The following GGTA1 variants were observed in gnomAD, a reference collection of about 807,000 sequenced individuals.
The protein encoded by GGTA1 is inactive N-acetyllactosaminide alpha-1,3-galactosyltransferase.
A neutral mutation model predicts 2.6 loss-of-function variants in GGTA1; 5 were observed. That is an observed-to-expected ratio of 1.92 (90% CI 1.00 to 4.04). GGTA1 has a LOEUF of 4.04. GGTA1 is among the 30% of genes most tolerant of loss of function. The probability of loss-of-function intolerance (pLI) is 0.00; values close to 1 mark genes in which losing one functional copy is unlikely to be tolerated. For synonymous variants in GGTA1, 17 were observed against 5.0 expected, an observed-to-expected ratio of 3.38 and a Z score of -3.19; for missense variants, 50 against 16.7, an observed-to-expected ratio of 2.99 and a Z score of -3.47.
exon 8 of GGTA1, chr9:121,447,218 T>C (rs2064856120): frequency 1.3e-5 from 2 of 152,626 alleles, no homozygotes; most frequent in Admixed American, 1.3e-4. Context: ...TCCTGCTGAC[T>C]CTTTCCACCT....
At chr9:121,497,475 A>G (rs1373897069) in intron 1 of GGTA1, among the ~76,000 whole-genome samples, 2 of 152,028 alleles carry the variant, frequency 1.3e-5, no homozygotes, top group African/African-American at 2.4e-5. Flanking sequence ...CCTAGCTGCC[A>G]TTTAGTTGCT....
intron 1 of GGTA1, among the ~76,000 whole-genome samples, chr9:121,491,379 C>T (rs1031571579): frequency 2.0e-5 from 3 of 152,196 alleles, no homozygotes; most frequent in South Asian, 4.1e-4. Context: ...TGTGCCCCTC[C>T]AGCCACCAGG....
intron 1 of GGTA1, among the ~76,000 whole-genome samples, chr9:121,485,882 T>C (rs541546894): frequency 6.6e-6 from 1 of 152,310 alleles, no homozygotes; most frequent in African/African-American, 2.4e-5. Flanking sequence ...GAGGAACAGC[T>C]TGGGTTTCTG....
chr9:121,458,758 G>T (rs2064935464), intron 5 of GGTA1, among the ~76,000 whole-genome samples: 2 of 152,092 alleles, frequency 1.3e-5, no homozygotes, highest in African/African-American at 2.4e-5. Flanking sequence ...GTGAAAGCTG[G>T]TGACTATGGT....
At chr9:121,490,265 A>C (rs1309159657) in intron 1 of GGTA1, among the ~76,000 whole-genome samples, 2 of 152,184 alleles carry the variant, frequency 1.3e-5, no homozygotes, top group African/African-American at 2.4e-5. Context: ...AAACCAACCT[A>C]TTTTACACAG....
intron 1 of GGTA1, among the ~76,000 whole-genome samples, chr9:121,482,597 T>G (rs1828675422): frequency 6.6e-6 from 1 of 152,044 alleles, no homozygotes; most frequent in South Asian, 2.1e-4. Flanking sequence ...GGTGAAACTT[T>G]GTCTCTACTA....
intron 1 of GGTA1, among the ~76,000 whole-genome samples, chr9:121,484,051 T>C (rs1423179560): frequency 6.6e-6 from 1 of 152,112 alleles, no homozygotes; most frequent in African/African-American, 2.4e-5. Context: ...CAGAACGTGG[T>C]GGTTATGAGC....
At chr9:121,465,933 T>G (rs2065002177) in intron 2 of GGTA1, among the ~76,000 whole-genome samples, 1 of 152,110 alleles carries the variant, frequency 6.6e-6, no homozygotes, top group East Asian at 1.9e-4. Context: ...ACTTTTTTTT[T>G]GAGACAGTGC....
intron 1 of GGTA1, among the ~76,000 whole-genome samples, chr9:121,481,248 C>T (rs953960521): frequency 6.6e-6 from 1 of 151,826 alleles, no homozygotes; most frequent in African/African-American, 2.4e-5. Context: ...CACCTAGTCC[C>T]ACAATGGGAT....
chr9:121,498,696 C>G (rs1007253073), intron 1 of GGTA1, among the ~76,000 whole-genome samples: 13 of 152,172 alleles, frequency 8.5e-5, no homozygotes, highest in African/African-American at 2.9e-4. Flanking sequence ...CTCAGGAGCC[C>G]GAAGGAGTGC....
At position 121,465,625 on chromosome 9, in the gene GGTA1, G is replaced by A. The variant is rs570918249; in HGVS notation, c.80+2218C>T. 6.9e-5 allele frequency among the ~76,000 whole-genome samples: 9 copies of A among 130,108 alleles called. No individual in the cohort carries two copies. The South Asian group carries it at 9.1e-4, about 13-fold the overall frequency. 85.4% of individuals were successfully genotyped at this position (130,108 alleles called of 152,430 possible). ...CAGTAGCTTACTTGCTCTCCATCACGTGTGGATACAGGGAGGAGGTGGCCA... is the reference window on the plus strand; with the variant it reads ...CAGTAGCTTACTTGCTCTCCATCACATGTGGATACAGGGAGGAGGTGGCCA... On this transcript the variant is annotated intron_variant, in intron 2 of 5. Transcript: ENST00000481799.
chr9:121,449,793 T>C (rs2064869222), intron 7 of GGTA1, among the ~76,000 whole-genome samples: 1 of 127,632 alleles, frequency 7.8e-6, no homozygotes, highest in African/African-American at 3.0e-5. Flanking sequence ...TGAGCTGAGA[T>C]GGTGCCACTG....
chr9:121,468,481 T>A (rs1002074413), intron 1 of GGTA1, among the ~76,000 whole-genome samples: 2 of 152,192 alleles, frequency 1.3e-5, no homozygotes, highest in African/African-American at 2.4e-5. Flanking sequence ...AATAAACACA[T>A]GTGTGCATGT....
At chr9:121,493,931 AT>A (rs1328557682) in intron 1 of GGTA1, among the ~76,000 whole-genome samples, 2 of 151,274 alleles carry the variant, frequency 1.3e-5, no homozygotes, top group Admixed American at 6.6e-5. Flanking sequence ...TAATTTTTGT[AT>A]TTTCAGTAGA....
chr9:121,462,341 AT>A (rs1342242526), intron 3 of GGTA1, among the ~76,000 whole-genome samples: 1 of 152,000 alleles, frequency 6.6e-6, no homozygotes, highest in Non-Finnish European at 1.5e-5. Flanking sequence ...TTAAAAAAAA[AT>A]AAAAAGAAAA....
intron 1 of GGTA1, among the ~76,000 whole-genome samples, chr9:121,482,279 G>A (rs763872901): frequency 2.0e-5 from 3 of 151,854 alleles, no homozygotes; most frequent in African/African-American, 4.8e-5. Flanking sequence ...ACCAGTCTAG[G>A]CAATACAGTG....
intron 1 of GGTA1, among the ~76,000 whole-genome samples, chr9:121,469,566 C>T (rs113426364): frequency 1.1e-4 from 17 of 152,170 alleles, no homozygotes; most frequent in African/African-American, 4.1e-4. Context: ...CTGACAGCAG[C>T]GTGGAGAATG....
intron 1 of GGTA1, among the ~76,000 whole-genome samples, chr9:121,473,408 T>C (rs1418426798): frequency 6.6e-6 from 1 of 151,322 alleles, no homozygotes; most frequent in South Asian, 2.1e-4. Context: ...AAATAGGCGG[T>C]GACATGCTTC....
At chr9:121,465,205 T>C (rs2064996474) in intron 2 of GGTA1, among the ~76,000 whole-genome samples, 1 of 152,208 alleles carries the variant, frequency 6.6e-6, no homozygotes, top group Non-Finnish European at 1.5e-5. Context: ...TTTCAGCCTT[T>C]GGCTCAGTTA....
Sources: allele counts gnomAD v4.1 joint callset (sites outside exome capture counted in the v4.1 genomes callset), GRCh38; gene constraint gnomAD v4.1.1; transcripts MANE v1.5; gene names NCBI Gene and HGNC (gene_info 2026-07-23, HGNC 2026-07-21).